The following ADCK1 variants were observed in gnomAD, a reference collection of about 807,000 sequenced individuals.
ADCK1 encodes the protein aarF domain-containing protein kinase 1.
Under a neutral mutation model 52.3 loss-of-function variants are expected in ADCK1, and 41 were observed. The observed-to-expected ratio is 0.78, with a 90% CI of 0.61 to 1.02. ADCK1 has a LOEUF of 1.02. ADCK1 is among the 50% of genes least tolerant of loss of function. ADCK1 has a pLI of 0.00. For missense variants in ADCK1, 658 were observed against 679.5 expected (o/e 0.97, Z 0.35); for synonymous variants, 250 against 274.6 (o/e 0.91, Z 0.89).
intron 1 of ADCK1, among the ~76,000 whole-genome samples, chr14:77,802,995 A>G (rs2081144358): frequency 1.3e-5 from 2 of 152,110 alleles, no homozygotes; most frequent in South Asian, 4.1e-4. Context: ...GGACTACATT[A>G]CTATCTTAGG....
chr14:77,889,388 T>G (rs2083231954), intron 5 of ADCK1, among the ~76,000 whole-genome samples: 1 of 152,218 alleles, frequency 6.6e-6, no homozygotes, highest in African/African-American at 2.4e-5. Context: ...CTCACCTATT[T>G]TCAGGACACA....
intron 8 of ADCK1, among the ~76,000 whole-genome samples, chr14:77,924,853 G>A (rs994838644): frequency 6.6e-6 from 1 of 152,240 alleles, no homozygotes; most frequent in African/African-American, 2.4e-5. Flanking sequence ...ATGGAAATAG[G>A]CTTGTATGTT....
intron 1 of ADCK1, among the ~76,000 whole-genome samples, chr14:77,807,619 C>T (rs1049370696): frequency 1.3e-5 from 2 of 151,468 alleles, no homozygotes; most frequent in Non-Finnish European, 2.9e-5. Context: ...AGGCAGTTCT[C>T]CTGCCTCAGC....
At chr14:77,835,645 G>A (rs1239720602) in intron 3 of ADCK1, among the ~76,000 whole-genome samples, 1 of 152,132 alleles carries the variant, frequency 6.6e-6, no homozygotes, top group East Asian at 1.9e-4. Context: ...CTGAGGTAAG[G>A]CCTGGAAAGC....
At chr14:77,824,044 G>A (rs978943028) in intron 3 of ADCK1, among the ~76,000 whole-genome samples, 11 of 151,990 alleles carry the variant, frequency 7.2e-5, no homozygotes, top group Non-Finnish European at 1.5e-4. Context: ...AATTACAGGT[G>A]CAGGCCACCA....
intron 4 of ADCK1, among the ~76,000 whole-genome samples, chr14:77,874,093 C>T (rs1448121760): frequency 6.6e-6 from 1 of 152,176 alleles, no homozygotes; most frequent in Non-Finnish European, 1.5e-5. Context: ...AGACTGCCCC[C>T]CATCCCCGTA....
chr14:77,857,901 T>A (rs2082454915), intron 3 of ADCK1, among the ~76,000 whole-genome samples: 1 of 152,182 alleles, frequency 6.6e-6, no homozygotes, highest in Admixed American at 6.5e-5. Flanking sequence ...CTTCTGCATG[T>A]GCCCATGGCC....
At chr14:77,881,000 C>T (rs563461983) in intron 4 of ADCK1, among the ~76,000 whole-genome samples, 1 of 152,356 alleles carries the variant, frequency 6.6e-6, no homozygotes, top group Admixed American at 6.5e-5. Context: ...GATTCCAAGG[C>T]ACCATCTGGG....
chr14:77,802,232 G>A (rs2081124851), intron 1 of ADCK1, among the ~76,000 whole-genome samples: 1 of 151,968 alleles, frequency 6.6e-6, no homozygotes, highest in African/African-American at 2.4e-5. Flanking sequence ...TCGGAATCTG[G>A]TTGTGTGAGT....
chr14:77,922,465 G>A (rs1189876795), intron 7 of ADCK1, among the ~76,000 whole-genome samples: 3 of 152,212 alleles, frequency 2.0e-5, no homozygotes, highest in Non-Finnish European at 2.9e-5. Flanking sequence ...CCTTCCAGGG[G>A]TGTTATGAGG....
At chr14:77,841,884 G>A (rs191566091) in intron 3 of ADCK1, among the ~76,000 whole-genome samples, 1 of 150,722 alleles carries the variant, frequency 6.6e-6, no homozygotes, top group East Asian at 1.9e-4. Context: ...GCCAGGCCAG[G>A]CATGGTGGCT....
chr14:77,827,838 T>C, intron 3 of ADCK1: 1 of 430,460 alleles, frequency 2.3e-6, no homozygotes, highest in South Asian at 1.7e-5. Context: ...AAAAGGCTTT[T>C]TTTTTTTTGA....
chr14:77,839,102 G>A (rs990111532), intron 3 of ADCK1, among the ~76,000 whole-genome samples: 2 of 152,216 alleles, frequency 1.3e-5, no homozygotes, highest in African/African-American at 4.8e-5. Context: ...TTCAGCTCTT[G>A]CTGAGTGCCC....
intron 3 of ADCK1, among the ~76,000 whole-genome samples, chr14:77,834,636 C>T (rs1003476969): frequency 2.0e-5 from 3 of 152,192 alleles, no homozygotes; most frequent in Admixed American, 6.5e-5. Context: ...GGTATGAGCC[C>T]GTTGCTGTGT....
At chr14:77,919,543 T>G (rs533822224) in intron 7 of ADCK1, among the ~76,000 whole-genome samples, 61 of 152,366 alleles carry the variant, frequency 4.0e-4, no homozygotes, top group African/African-American at 1.4e-3. Flanking sequence ...TGTGTTGCTA[T>G]AAACATGCAT....
chr14:77,829,148 GA>G (rs756926900), intron 3 of ADCK1, among the ~76,000 whole-genome samples: 1 of 151,226 alleles, frequency 6.6e-6, no homozygotes, highest in Non-Finnish European at 1.5e-5. Context: ...ATGGTATTTA[GA>G]AACCAAGTTG....
intron 6 of ADCK1, among the ~76,000 whole-genome samples, chr14:77,904,810 C>G (rs1212559064): frequency 2.6e-5 from 4 of 151,774 alleles, no homozygotes; most frequent in Admixed American, 2.6e-4. Flanking sequence ...CCATGAGCTC[C>G]TTAGAGTTTC....
intron 7 of ADCK1, among the ~76,000 whole-genome samples, chr14:77,918,051 G>A (rs1168376200): frequency 6.6e-6 from 1 of 152,228 alleles, no homozygotes; most frequent in Non-Finnish European, 1.5e-5. Context: ...GAGGATGGCA[G>A]TGAGTGCTGA....
intron 3 of ADCK1, among the ~76,000 whole-genome samples, chr14:77,825,727 C>T (rs568630335): frequency 2.6e-5 from 4 of 151,340 alleles, no homozygotes; most frequent in African/African-American, 9.7e-5. Flanking sequence ...CTGCAACCTC[C>T]GCCTCCCGGG....
Sources: gnomAD v4.1 joint callset for allele counts (sites outside exome capture counted in the v4.1 genomes callset) on GRCh38, gnomAD v4.1.1 for gene constraint, MANE v1.5 for transcripts, NCBI Gene and HGNC (gene_info 2026-07-23, HGNC 2026-07-21) for gene names.